The following MAML2 variants were observed in gnomAD, a reference collection of about 807,000 sequenced individuals.
The protein encoded by MAML2 is mastermind-like protein 2.
In MAML2, 22 loss-of-function variants were observed where a neutral mutation model predicts 96.1. The observed-to-expected ratio is 0.23, with a 90% CI of 0.16 to 0.33. MAML2 has a LOEUF of 0.33. Ranked by LOEUF, MAML2 falls within the 10% of genes least tolerant of loss-of-function variation. The pLI is 1.00. For missense variants in MAML2, 1,367 were observed against 1,392.4 expected (o/e 0.98, Z 0.29); for synonymous variants, 561 against 521.3 (o/e 1.08, Z -1.04).
chr11:96,242,415 G>A (rs1862449121), intron 1 of MAML2, among the ~76,000 whole-genome samples: 1 of 152,166 alleles, frequency 6.6e-6, no homozygotes, highest in South Asian at 2.1e-4. Context: ...CTGGAGGAGT[G>A]GTGAGGGTGG....
At position 96,341,470 on chromosome 11, in the gene MAML2, G is replaced by A. The variant is rs1863991357; in HGVS notation, c.426C>T (p.Ser142=). 1.9e-6 allele frequency: 3 copies of A among 1,551,448 alleles called. No homozygotes were observed. Among genetic ancestry groups the A allele is most frequent in the Admixed American group, 3.9e-5 (2 of 50,982 alleles). ...HHHQQHLLNS[S]NNGGSGGING... is the part of the protein sequence containing the mutation. ...TTATCCCACCACTGCCACCATTATTGCTACTGTTCAGCAGGTGCTGCTGGT... is the reference window on the plus strand; with the variant it reads ...TTATCCCACCACTGCCACCATTATTACTACTGTTCAGCAGGTGCTGCTGGT... The change falls in exon 1 of 5, where the codon AGC becomes AGT. Residue 142 remains serine (S), a synonymous_variant. Coordinates refer to ENST00000524717, the MANE Select transcript of MAML2 (RefSeq NM_032427.4).
chr11:96,172,562 G>T (rs955499375), intron 1 of MAML2, among the ~76,000 whole-genome samples: 2 of 152,240 alleles, frequency 1.3e-5, no homozygotes, highest in African/African-American at 4.8e-5. Flanking sequence ...TTTAGAGTAA[G>T]ATTCAGTGTC....
At chr11:96,095,990 CAG>C (rs1565213586) in intron 1 of MAML2, among the ~76,000 whole-genome samples, 1 of 152,196 alleles carries the variant, frequency 6.6e-6, no homozygotes, top group East Asian at 1.9e-4. Context: ...AGCAGAAACT[CAG>C]AGTTACCACT....
chr11:96,020,806 T>C (rs1283866494), intron 2 of MAML2, among the ~76,000 whole-genome samples: 1 of 151,990 alleles, frequency 6.6e-6, no homozygotes, highest in African/African-American at 2.4e-5. Context: ...AGGAAGAAAA[T>C]TTTGGTCAGA....
chr11:96,063,698 C>G (rs991470248), intron 2 of MAML2, among the ~76,000 whole-genome samples: 4 of 152,140 alleles, frequency 2.6e-5, no homozygotes, highest in Admixed American at 1.3e-4. Flanking sequence ...TACTCCAAAG[C>G]CTATGGCTTT....
chr11:96,148,523 T>C (rs1860858445), intron 1 of MAML2, among the ~76,000 whole-genome samples: 1 of 151,786 alleles, frequency 6.6e-6, no homozygotes, highest in Non-Finnish European at 1.5e-5. Context: ...CTGTCTACAC[T>C]ATGATTTGCA....
At chr11:96,048,836 A>G (rs567557307) in intron 2 of MAML2, among the ~76,000 whole-genome samples, 55 of 152,348 alleles carry the variant, frequency 3.6e-4, no homozygotes, top group Non-Finnish European at 5.7e-4. Context: ...AAACTGCCTA[A>G]TTTAGAATTT....
At chr11:96,021,433 G>C (rs1210239413) in intron 2 of MAML2, among the ~76,000 whole-genome samples, 3 of 152,170 alleles carry the variant, frequency 2.0e-5, no homozygotes, top group Non-Finnish European at 4.4e-5. Context: ...GCCTCCTTGT[G>C]GGCTACTCAC....
intron 1 of MAML2, among the ~76,000 whole-genome samples, chr11:96,303,239 C>T (rs1185837721): frequency 2.0e-5 from 3 of 152,130 alleles, no homozygotes; most frequent in African/African-American, 7.2e-5. Context: ...AGATAAAACT[C>T]CCTACTCTGG....
At chr11:96,000,284 G>T (rs1858060522) in intron 2 of MAML2, among the ~76,000 whole-genome samples, 1 of 152,100 alleles carries the variant, frequency 6.6e-6, no homozygotes. Context: ...CTATTTCAAG[G>T]GTCAGCAAAC....
Position 96,196,389 on chromosome 11 carries a change from C to T in MAML2, c.514-102872G>A, listed in dbSNP as rs574301496. Among the ~76,000 whole-genome samples the T allele has an allele frequency of 2.6e-5, 4 of 152,310 alleles. No homozygotes were observed. In the South Asian group the frequency reaches 6.2e-4, roughly 24 times the overall value. ...TGACCACTGTTTTGGGCTGCATGAACATAAAACCCCTCCTCTTGGGGAAAT... is the reference window on the plus strand; with the variant it reads ...TGACCACTGTTTTGGGCTGCATGAATATAAAACCCCTCCTCTTGGGGAAAT... On this transcript the variant is annotated intron_variant, in intron 1 of 4. Coordinates refer to ENST00000524717, the MANE Select transcript of MAML2 (RefSeq NM_032427.4).
intron 1 of MAML2, among the ~76,000 whole-genome samples, chr11:96,291,736 G>C (rs533724588): frequency 6.6e-6 from 1 of 152,240 alleles, no homozygotes; most frequent in Admixed American, 6.5e-5. Flanking sequence ...GTGTGTGCAC[G>C]CACACACATG....
intron 1 of MAML2, among the ~76,000 whole-genome samples, chr11:96,299,090 CCAAA>C (rs1386118598): frequency 7.4e-5 from 7 of 94,836 alleles, no homozygotes; most frequent in African/African-American, 2.7e-4. Flanking sequence ...TAAAATTTCA[CCAAA>C]CAGTTTGTAA....
chr11:96,034,897 T>C (rs565284287), intron 2 of MAML2, among the ~76,000 whole-genome samples: 270 of 152,282 alleles, frequency 1.8e-3, no homozygotes, highest in African/African-American at 5.7e-3. Flanking sequence ...TGTAACCATA[T>C]GGTTTTCAAT....
At chr11:96,030,567 C>T (rs940415542) in intron 2 of MAML2, among the ~76,000 whole-genome samples, 1 of 152,186 alleles carries the variant, frequency 6.6e-6, no homozygotes, top group East Asian at 1.9e-4. Flanking sequence ...TACATCTTTA[C>T]ACCATGGCAT....
chr11:96,333,043 A>G (rs1003388103), intron 1 of MAML2, among the ~76,000 whole-genome samples: 1 of 152,216 alleles, frequency 6.6e-6, no homozygotes, highest in African/African-American at 2.4e-5. Flanking sequence ...ACTGAAATCT[A>G]TGAGAGCTAC....
At chr11:96,085,415 C>T (rs1334183814) in intron 2 of MAML2, among the ~76,000 whole-genome samples, 2 of 152,130 alleles carry the variant, frequency 1.3e-5, no homozygotes, top group East Asian at 1.9e-4. Context: ...GTTTTTGCCT[C>T]CTTTGGATTT....
chr11:96,211,337 C>G lies in MAML2; in HGVS notation c.514-117820G>C, dbSNP rs559128500. Among the ~76,000 whole-genome samples, 10 of 150,948 alleles carry G rather than the reference C, an allele frequency of 6.6e-5. No individual in the cohort carries two copies. In the South Asian group the frequency reaches 2.1e-3, roughly 31 times the overall value. ...TTAACTATAAACATTGAATGATAAA[C>G]AATATTCCTCTGATCTTAATAATTG... On this transcript the variant is annotated intron_variant, in intron 1 of 4. Transcript: ENST00000524717.
chr11:96,071,726 A>G (rs1242897254), intron 2 of MAML2, among the ~76,000 whole-genome samples: 1 of 152,182 alleles, frequency 6.6e-6, no homozygotes, highest in Non-Finnish European at 1.5e-5. Context: ...ATTTATTTTT[A>G]AATTCTCCAG....
Sources: gnomAD v4.1 joint callset for allele counts (sites outside exome capture counted in the v4.1 genomes callset) on GRCh38, gnomAD v4.1.1 for gene constraint, MANE v1.5 for transcripts, NCBI Gene and HGNC (gene_info 2026-07-23, HGNC 2026-07-21) for gene names.